The following ENPP6 variants were observed in gnomAD, a reference collection of about 807,000 sequenced individuals.
ENPP6 encodes ectonucleotide pyrophosphatase/phosphodiesterase 6.
ENPP6 carries 32 observed loss-of-function variants against 42.0 expected under a neutral mutation model. That is an observed-to-expected ratio of 0.76 (90% CI 0.58 to 1.02). The LOEUF is 1.02. Ranked by LOEUF, ENPP6 falls within the 50% of genes least tolerant of loss-of-function variation. The probability of loss-of-function intolerance (pLI) is 0.00; values close to 1 mark genes in which losing one functional copy is unlikely to be tolerated. For missense variants in ENPP6, 552 were observed against 566.8 expected, an observed-to-expected ratio of 0.97 and a Z score of 0.27; for synonymous variants, 213 against 216.0, an observed-to-expected ratio of 0.99 and a Z score of 0.12.
chr4:184,113,897 T>TC (rs1306041465), intron 5 of ENPP6, among the ~76,000 whole-genome samples: 4 of 149,504 alleles, frequency 2.7e-5, no homozygotes, highest in South Asian at 4.3e-4. Context: ...TTCCTTTCTT[T>TC]CTTTTCTTTC....
At chr4:184,216,304 T>A (rs1733194792) in intron 1 of ENPP6, among the ~76,000 whole-genome samples, 1 of 152,258 alleles carries the variant, frequency 6.6e-6, no homozygotes, top group South Asian at 2.1e-4. Flanking sequence ...TTTTTTTGTC[T>A]GCTGGGGGAA....
At chr4:184,163,183 T>G (rs1468605144) in intron 1 of ENPP6, among the ~76,000 whole-genome samples, 3 of 152,204 alleles carry the variant, frequency 2.0e-5, no homozygotes, top group African/African-American at 7.2e-5. Flanking sequence ...CCACACAAGC[T>G]GAGAGTCCCC....
In ENPP6 at chr4:184,111,540, G is replaced by T. The variant is rs111480052; in HGVS notation, c.993+1132C>A. On this transcript the variant is annotated intron_variant, in intron 6 of 7. Transcript: ENST00000296741. ...ATGAGAAGCATTTTGGATTGTAGAG[G>T]AGAGGGCATTAGGGAACAGAGGGAC... Among the ~76,000 whole-genome samples the T allele has an allele frequency of 7.6e-3, 1,163 of 152,322 alleles. 17 individuals carry two copies. Among genetic ancestry groups the T allele is most frequent in the African/African-American group, 0.027 (1,109 of 41,574 alleles).
chr4:184,170,445 GAA>G (rs35346469), intron 1 of ENPP6, among the ~76,000 whole-genome samples: 5 of 143,546 alleles, frequency 3.5e-5, no homozygotes, highest in African/African-American at 1.3e-4. Flanking sequence ...AGAAAAGAAG[GAA>G]AAAAAAAAAA....
chr4:184,169,442 C>A (rs75778116), intron 1 of ENPP6, among the ~76,000 whole-genome samples: 1 of 152,192 alleles, frequency 6.6e-6, no homozygotes, highest in African/African-American at 2.4e-5. Flanking sequence ...GTTCTGCTCT[C>A]CTGGCTCCTG....
chr4:184,090,844 G>A lies in ENPP6; in HGVS notation c.*333C>T. The A allele has an allele frequency of 2.4e-6, 1 of 423,708 alleles. No homozygotes were observed. Among genetic ancestry groups the A allele is most frequent in the South Asian group, 8.0e-5 (1 of 12,548 alleles). The allele number at this position is 423,708 out of a possible 1,614,324, so 26.2% of individuals were successfully genotyped here. On this transcript the variant is annotated 3_prime_UTR_variant, in exon 8 of 8. Coordinates refer to ENST00000296741, the MANE Select transcript of ENPP6 (RefSeq NM_153343.4). The stretch of plus-strand genomic sequence containing the variant: ...CAGAGAGGGGCCCAGAGCCACGTCT[G>A]TCTGCAATAACCACTCCAAGTTTGG...
At chr4:184,114,821 C>A (rs540955688) in intron 5 of ENPP6, among the ~76,000 whole-genome samples, 14 of 152,104 alleles carry the variant, frequency 9.2e-5, no homozygotes, top group African/African-American at 3.4e-4. Context: ...CAAGAACCTG[C>A]CAATGTGTAA....
chr4:184,134,533 C>A (rs986960522), intron 2 of ENPP6, among the ~76,000 whole-genome samples: 4 of 152,072 alleles, frequency 2.6e-5, no homozygotes, highest in African/African-American at 4.8e-5. Context: ...CATTTTCACA[C>A]TGTATTACTG....
At chr4:184,204,772 G>A (rs1732965289) in intron 1 of ENPP6, among the ~76,000 whole-genome samples, 1 of 152,204 alleles carries the variant, frequency 6.6e-6, no homozygotes, top group Non-Finnish European at 1.5e-5. Context: ...TAGACGTAAA[G>A]GGTAATCAGT....
chr4:184,192,017 G>A (rs1043697345), intron 1 of ENPP6, among the ~76,000 whole-genome samples: 6 of 152,192 alleles, frequency 3.9e-5, no homozygotes, highest in African/African-American at 1.4e-4. Context: ...CATATTCATG[G>A]ATCAGAAGAC....
chr4:184,177,170 C>T (rs766041329), intron 1 of ENPP6, among the ~76,000 whole-genome samples: 3 of 152,214 alleles, frequency 2.0e-5, no homozygotes, highest in Non-Finnish European at 4.4e-5. Context: ...TGCCATTTCC[C>T]CTGCTGGTGC....
At chr4:184,160,311 A>G (rs1737239827) in intron 1 of ENPP6, among the ~76,000 whole-genome samples, 1 of 151,918 alleles carries the variant, frequency 6.6e-6, no homozygotes, top group Non-Finnish European at 1.5e-5. Flanking sequence ...CAACAAACAT[A>G]TATCATTTTT....
At chr4:184,197,181 G>A (rs1732813539) in intron 1 of ENPP6, among the ~76,000 whole-genome samples, 1 of 152,154 alleles carries the variant, frequency 6.6e-6, no homozygotes, top group African/African-American at 2.4e-5. Flanking sequence ...AAATAGAGAG[G>A]ATGGCCAAGC....
At chr4:184,208,662 GA>G (rs1733046789) in intron 1 of ENPP6, among the ~76,000 whole-genome samples, 1 of 149,506 alleles carries the variant, frequency 6.7e-6, no homozygotes, top group Non-Finnish European at 1.5e-5. Context: ...GAGGCTGGGG[GA>G]GGGGCGCCCG....
intron 7 of ENPP6, among the ~76,000 whole-genome samples, chr4:184,094,819 T>C (rs573877870): frequency 2.0e-5 from 3 of 152,230 alleles, no homozygotes; most frequent in Admixed American, 6.5e-5. Context: ...AGGGCAAGAT[T>C]AGACTGTTCA....
intron 1 of ENPP6, among the ~76,000 whole-genome samples, chr4:184,183,979 G>A (rs967090910): frequency 6.6e-6 from 1 of 152,174 alleles, no homozygotes; most frequent in African/African-American, 2.4e-5. Flanking sequence ...CTACCAGCAG[G>A]ATGTTGGTGC....
At chr4:184,150,691 C>T (rs1198412640) in intron 2 of ENPP6, among the ~76,000 whole-genome samples, 1 of 152,228 alleles carries the variant, frequency 6.6e-6, no homozygotes, top group Non-Finnish European at 1.5e-5. Flanking sequence ...CTGAGAGTTT[C>T]ATTTGAGTAT....
intron 2 of ENPP6, among the ~76,000 whole-genome samples, chr4:184,136,002 T>A (rs917779028): frequency 6.6e-6 from 1 of 152,186 alleles, no homozygotes; most frequent in Non-Finnish European, 1.5e-5. Flanking sequence ...GCCAATTAAC[T>A]ACATTTCATA....
rs1201763170 is a variant in ENPP6, at chr4:184,184,196, A to G, written c.242-30463T>C. 6.6e-6 allele frequency among the ~76,000 whole-genome samples: 1 copy of G among 152,250 alleles called. No individual in the cohort carries two copies. The highest frequency in any genetic ancestry group is 1.5e-5 in the Non-Finnish European group (1 of 68,042). ...AACTACCGCAGTCACTGTGAGAGTCAGCAGAAACGACAACCACAGATTTAG... is the reference window on the plus strand; with the variant it reads ...AACTACCGCAGTCACTGTGAGAGTCGGCAGAAACGACAACCACAGATTTAG... On this transcript the variant is annotated intron_variant, in intron 1 of 7. Transcript: ENST00000296741. This position sits in a 1 kb window ranked among gnomAD's most constrained non-coding sequence, Gnocchi z 4.7.
Sources: allele counts gnomAD v4.1 joint callset (sites outside exome capture counted in the v4.1 genomes callset), GRCh38; gene constraint gnomAD v4.1.1; non-coding constraint Gnocchi (gnomAD v3.1); transcripts MANE v1.5; gene names NCBI Gene and HGNC (gene_info 2026-07-23, HGNC 2026-07-21).